The following WDR19 variants were observed in gnomAD, a reference collection of about 807,000 sequenced individuals.
WDR19 encodes WD repeat-containing protein 19.
Under a neutral mutation model 180.0 loss-of-function variants are expected in WDR19, and 121 were observed. The ratio of observed to expected loss-of-function variants is 0.67; its 90% CI spans 0.58 to 0.78. WDR19 has a LOEUF of 0.78. WDR19 is among the 30% of genes least tolerant of loss of function. The probability of loss-of-function intolerance (pLI) is 0.00; values close to 1 mark genes in which losing one functional copy is unlikely to be tolerated. For synonymous variants in WDR19, 497 were observed against 540.7 expected (o/e 0.92, Z 1.12); for missense variants, 1,450 against 1,640.7 (o/e 0.88, Z 2.01).
At chr4:39,216,782 A>AC (rs1475888480) in intron 12 of WDR19, among the ~76,000 whole-genome samples, 3 of 152,302 alleles carry the variant, frequency 2.0e-5, no homozygotes, top group African/African-American at 7.2e-5. Context: ...AGGTCAGATA[A>AC]CCCTCAGGAA....
chr4:39,204,838 C>A (rs892054763), intron 7 of WDR19, among the ~76,000 whole-genome samples: 4 of 152,132 alleles, frequency 2.6e-5, no homozygotes, highest in African/African-American at 9.7e-5. Context: ...AATTCATTTG[C>A]AGTGGAACTG....
chr4:39,233,839 A>G (rs1318483302), intron 19 of WDR19, among the ~76,000 whole-genome samples: 1 of 152,200 alleles, frequency 6.6e-6, no homozygotes, highest in African/African-American at 2.4e-5. Context: ...ACTCTTTTGC[A>G]TTTAACTGTG....
At chr4:39,260,496 A>G (rs1368173995) in intron 28 of WDR19, among the ~76,000 whole-genome samples, 1 of 151,836 alleles carries the variant, frequency 6.6e-6, no homozygotes, top group Non-Finnish European at 1.5e-5. Flanking sequence ...GTGCTACCAT[A>G]CCCAGCTAAT....
intron 15 of WDR19, among the ~76,000 whole-genome samples, chr4:39,226,602 G>T (rs183854624): frequency 6.6e-5 from 10 of 152,258 alleles, no homozygotes; most frequent in African/African-American, 2.4e-4. Flanking sequence ...ATACTGGCTC[G>T]TCAGCCTACT....
At chr4:39,203,747 T>G (rs1334613647) in intron 7 of WDR19, 25 bp downstream of exon 7, 1 of 1,581,570 alleles carries the variant, frequency 6.3e-7, no homozygotes, top group Non-Finnish European at 8.6e-7. Flanking sequence ...CAAATCCACG[T>G]GCAAATCATT....
chr4:39,234,828 C>G lies in WDR19; in HGVS notation c.2316C>G (p.Asp772Glu), dbSNP rs1358279706. ...ALQLAKHLAP[D>E]QIPFISKEYA... ...AACTGGCAAAGCATTTGGCCCCAGA[C>G]CAGATACCTTTTATATCAAAAGAAT... The change falls in exon 20 of 37, where the codon GAC (aspartate) becomes GAG (glutamate). Residue 772 changes from aspartate (D) to glutamate (E), a missense_variant. Transcript: ENST00000399820. 6.3e-7 allele frequency: 1 copy of G among 1,580,778 alleles called. No individual in the cohort carries two copies. Among genetic ancestry groups the G allele is most frequent in the South Asian group, 1.2e-5 (1 of 86,044 alleles).
intron 2 of WDR19, 68 bp downstream of exon 2, chr4:39,185,885 A>G: frequency 2.3e-6 from 3 of 1,299,934 alleles, no homozygotes; most frequent in Non-Finnish European, 3.1e-6. Flanking sequence ...TACTCAGTAG[A>G]AGTTTTTTTT....
chr4:39,253,137 T>G lies in WDR19; in HGVS notation c.2730-9T>G, dbSNP rs773921249. On this transcript the variant is annotated splice_polypyrimidine_tract_variant and intron_variant, in intron 24 of 36. Coordinates refer to ENST00000399820, the MANE Select transcript of WDR19 (RefSeq NM_025132.4). Reference sequence around the variant, plus strand: ...TTAAAAAAAGTTTATCTGAGCTATTTTTTTACAGATACAAAGAAGCTGTTG... The same window carrying G: ...TTAAAAAAAGTTTATCTGAGCTATTGTTTTACAGATACAAAGAAGCTGTTG... 1.3e-6 allele frequency: 2 copies of G among 1,567,576 alleles called. No homozygotes were observed. Among genetic ancestry groups the G allele is most frequent in the African/African-American group, 2.8e-5 (2 of 72,306 alleles).
chr4:39,232,016 C>A (rs1730919236), intron 18 of WDR19, 60 bp downstream of exon 18: 1 of 1,580,730 alleles, frequency 6.3e-7, no homozygotes, highest in South Asian at 1.1e-5. Context: ...AAGTTAAATG[C>A]AGTCTAAATT....
chr4:39,184,609 G>GGCA (rs1560468568), intron 1 of WDR19, among the ~76,000 whole-genome samples: 1 of 151,940 alleles, frequency 6.6e-6, no homozygotes, highest in Non-Finnish European at 1.5e-5. Flanking sequence ...TGGGATTACA[G>GGCA]CAAGCGCCAC....
At chr4:39,280,141 T>TTTTTTTTTTTTCTTTTTTA (rs368949539) in intron 36 of WDR19, among the ~76,000 whole-genome samples, 1 of 88,354 alleles carries the variant, frequency 1.1e-5, no homozygotes, top group Non-Finnish European at 2.2e-5. Flanking sequence ...TTTTTTTTTT[T>TTTTTTTTTTTTCTTTTTTA]AATAGAGGCA....
chr4:39,271,581 C>A (rs1213386034), intron 31 of WDR19, among the ~76,000 whole-genome samples: 1 of 152,084 alleles, frequency 6.6e-6, no homozygotes, highest in Non-Finnish European at 1.5e-5. Context: ...AAAAAAGACA[C>A]AATACAACTT....
intron 6 of WDR19, among the ~76,000 whole-genome samples, chr4:39,203,113 T>A: frequency 7.4e-6 from 1 of 135,838 alleles, no homozygotes; most frequent in Non-Finnish European, 1.6e-5. Context: ...TTTTTCTTTC[T>A]TTTTTTTTTT....
At chr4:39,235,301 A>T (rs186408019) in intron 20 of WDR19, among the ~76,000 whole-genome samples, 2 of 151,818 alleles carry the variant, frequency 1.3e-5, no homozygotes, top group Middle Eastern at 3.4e-3. Context: ...TAATTTTTAA[A>T]TTTTTTTTAA....
At chr4:39,259,818 CA>C in intron 28 of WDR19, among the ~76,000 whole-genome samples, 1 of 152,322 alleles carries the variant, frequency 6.6e-6, no homozygotes, top group South Asian at 2.1e-4. Flanking sequence ...TTTCCTGAAG[CA>C]GCTGACCACT....
chr4:39,213,568 G>A (rs1728752000), intron 9 of WDR19, among the ~76,000 whole-genome samples: 1 of 152,328 alleles, frequency 6.6e-6, no homozygotes, highest in South Asian at 2.1e-4. Context: ...AGAGGTTAGA[G>A]ATGGAGCTGG....
chr4:39,212,291 AT>A (rs937295806), intron 9 of WDR19, among the ~76,000 whole-genome samples: 1 of 152,202 alleles, frequency 6.6e-6, no homozygotes, highest in Admixed American at 6.5e-5. Context: ...TGAAAAAAAA[AT>A]TTTCGACACA....
Position 39,218,007 on chromosome 4 carries a change from CAAG to C in WDR19, c.1387_1389del (p.Glu463del), listed in dbSNP as rs763535788. On this transcript the variant is annotated inframe_deletion, in exon 14 of 37. Transcript: ENST00000399820. The stretch of plus-strand genomic sequence containing the variant: ...GATAGAAAGCGAAATCTTGGATGCT[CAAG>C]AAGAACGTGAGACTCGGCTTTTCCC... 5.0e-6 allele frequency: 8 copies of C among 1,613,634 alleles called. No individual in the cohort carries two copies. Among genetic ancestry groups the C allele is most frequent in the Admixed American group, 1.7e-5 (1 of 59,954 alleles).
intron 31 of WDR19, 122 bp downstream of exon 31, chr4:39,270,222 C>T (rs900985612): frequency 7.5e-7 from 1 of 1,325,638 alleles, no homozygotes; most frequent in African/African-American, 1.5e-5. Context: ...TGTTAAGTAA[C>T]AAAACAAGAT....
Sources: allele counts gnomAD v4.1 joint callset (sites outside exome capture counted in the v4.1 genomes callset), GRCh38; gene constraint gnomAD v4.1.1; transcripts MANE v1.5; gene names NCBI Gene and HGNC (gene_info 2026-07-23, HGNC 2026-07-21).